Variants in ARB2A observed in about 807,000 individuals in gnomAD.
The protein encoded by ARB2A is cotranscriptional regulator ARB2A.
chr5:93,769,812 T>A, the ARB2A span, among the ~76,000 whole-genome samples: 2 of 152,136 alleles, frequency 1.3e-5, no homozygotes, highest in Non-Finnish European at 2.9e-5. Flanking sequence ...TAGTGATAAA[T>A]GGATATGTGC....
the ARB2A span, among the ~76,000 whole-genome samples, chr5:93,726,973 A>G: frequency 2.0e-5 from 3 of 152,048 alleles, no homozygotes; most frequent in African/African-American, 4.8e-5. Flanking sequence ...ATCCAAAGTT[A>G]TTCATATTCA....
the ARB2A span, among the ~76,000 whole-genome samples, chr5:93,759,173 A>G: frequency 6.6e-6 from 1 of 152,196 alleles, no homozygotes; most frequent in South Asian, 2.1e-4. Context: ...TCCTGGAAAA[A>G]TACAACCCTC....
chr5:93,783,024 T>C, the ARB2A span, among the ~76,000 whole-genome samples: 1 of 152,122 alleles, frequency 6.6e-6, no homozygotes, highest in Non-Finnish European at 1.5e-5. Flanking sequence ...GATTAATATA[T>C]TCTGATTTTT....
the ARB2A span, among the ~76,000 whole-genome samples, chr5:93,905,761 G>C: frequency 6.6e-6 from 1 of 151,380 alleles, no homozygotes; most frequent in South Asian, 2.1e-4. Flanking sequence ...ACTTCTTTAA[G>C]TTATTCTGTT....
At chr5:93,910,478 G>A in the ARB2A span, among the ~76,000 whole-genome samples, 1 of 151,010 alleles carries the variant, frequency 6.6e-6, no homozygotes, top group African/African-American at 2.4e-5. Flanking sequence ...GTATTTTATT[G>A]GGTAAACTAC....
At chr5:94,035,545 C>T in the ARB2A span, among the ~76,000 whole-genome samples, 1 of 152,164 alleles carries the variant, frequency 6.6e-6, no homozygotes, top group Admixed American at 6.5e-5. Context: ...TAACATTTCA[C>T]TGGCCATTGT....
the ARB2A span, among the ~76,000 whole-genome samples, chr5:94,080,718 T>C: frequency 6.6e-6 from 1 of 152,180 alleles, no homozygotes; most frequent in East Asian, 1.9e-4. Context: ...ACAACCCCGA[T>C]AGGCAATATT....
chr5:93,782,894 G>C, the ARB2A span, among the ~76,000 whole-genome samples: 3 of 152,004 alleles, frequency 2.0e-5, no homozygotes, highest in African/African-American at 7.2e-5. Flanking sequence ...CCAAGAACTA[G>C]GGCATTTATA....
chr5:93,741,134 G>A, the ARB2A span: 1 of 1,613,852 alleles, frequency 6.2e-7, no homozygotes, highest in Non-Finnish European at 8.5e-7. Context: ...ACATCGGCCT[G>A]CGAGTACCCT....
At chr5:93,945,414 CAAAA>C in the ARB2A span, among the ~76,000 whole-genome samples, 3 of 59,954 alleles carry the variant, frequency 5.0e-5, no homozygotes, top group Non-Finnish European at 3.5e-5. Flanking sequence ...GATTCCATCT[CAAAA>C]AAAAAAAAAA....
the ARB2A span, among the ~76,000 whole-genome samples, chr5:93,773,257 T>C: frequency 6.6e-6 from 1 of 152,194 alleles, no homozygotes; most frequent in Non-Finnish European, 1.5e-5. Flanking sequence ...GAGACTGCAA[T>C]GTTGCCACTT....
chr5:93,692,817 G>C, the ARB2A span, among the ~76,000 whole-genome samples: 2 of 152,092 alleles, frequency 1.3e-5, no homozygotes, highest in Non-Finnish European at 2.9e-5. Flanking sequence ...ACACTCCTTG[G>C]CAAATGCAAA....
chr5:93,901,100 T>G, the ARB2A span, among the ~76,000 whole-genome samples: 1 of 152,176 alleles, frequency 6.6e-6, no homozygotes, highest in African/African-American at 2.4e-5. Context: ...GCTGTGCTCA[T>G]TGAGAGGTAA....
chr5:93,758,703 T>A, the ARB2A span, among the ~76,000 whole-genome samples: 3 of 151,956 alleles, frequency 2.0e-5, no homozygotes, highest in African/African-American at 7.2e-5. Context: ...TGAACGACAA[T>A]AATGACACAA....
the ARB2A span, among the ~76,000 whole-genome samples, chr5:93,650,158 GAAAAA>G: frequency 1.8e-3 from 248 of 138,648 alleles, 3 homozygotes; most frequent in African/African-American, 6.0e-3. Flanking sequence ...TATCAAGAAG[GAAAAA>G]AAAAAAAAGA....
chr5:93,942,181 G>A, the ARB2A span, among the ~76,000 whole-genome samples: 3 of 152,096 alleles, frequency 2.0e-5, no homozygotes, highest in Non-Finnish European at 2.9e-5. Flanking sequence ...ATAAGCTGTC[G>A]TTAACAACCT....
At chr5:94,012,167 C>G in the ARB2A span, among the ~76,000 whole-genome samples, 1 of 152,042 alleles carries the variant, frequency 6.6e-6, no homozygotes, top group South Asian at 2.1e-4. Flanking sequence ...CTTTGGGAGG[C>G]CAAGGCGGGC....
the ARB2A span, among the ~76,000 whole-genome samples, chr5:93,652,932 A>G: frequency 6.6e-6 from 1 of 152,208 alleles, no homozygotes; most frequent in Non-Finnish European, 1.5e-5. Flanking sequence ...AATGAGAAAG[A>G]GCATATGTTG....
At chr5:93,987,515 T>C in the ARB2A span, among the ~76,000 whole-genome samples, 1 of 152,146 alleles carries the variant, frequency 6.6e-6, no homozygotes, top group Non-Finnish European at 1.5e-5. Flanking sequence ...ATTATCTCCA[T>C]CTCAACTCCA....
Sources: gnomAD v4.1 joint callset for allele counts (sites outside exome capture counted in the v4.1 genomes callset) on GRCh38, gnomAD v4.1.1 for gene constraint, MANE v1.5 for transcripts, NCBI Gene and HGNC (gene_info 2026-07-23, HGNC 2026-07-21) for gene names.